The following FHIT variants were observed in gnomAD, a reference collection of about 807,000 sequenced individuals.
The protein encoded by FHIT is fragile histidine triad diadenosine triphosphatase, also known as bis(5'-adenosyl)-triphosphatase.
A neutral mutation model predicts 17.9 loss-of-function variants in FHIT; 19 were observed. That is an observed-to-expected ratio of 1.06 (90% CI 0.74 to 1.56). The LOEUF (loss-of-function observed/expected upper bound fraction) is 1.56, where lower values mean the gene tolerates loss of function less well. Among genes scored for constraint, FHIT ranks in the 40% most tolerant of loss-of-function variants. The pLI, the probability that FHIT is intolerant of heterozygous loss-of-function variation, is 0.00. For missense variants in FHIT, 248 were observed against 189.2 expected (o/e 1.31, Z -1.82); for synonymous variants, 81 against 69.7 (o/e 1.16, Z -0.81).
chr3:59,768,841 C>G (rs1216209862), intron 8 of FHIT, among the ~76,000 whole-genome samples: 3 of 152,228 alleles, frequency 2.0e-5, no homozygotes, highest in Admixed American at 2.0e-4. Context: ...AACAGATACA[C>G]ATTGTAAAAG....
chr3:59,822,958 T>C (rs1252309299), intron 8 of FHIT, among the ~76,000 whole-genome samples: 1 of 152,218 alleles, frequency 6.6e-6, no homozygotes, highest in East Asian at 1.9e-4. Context: ...CCTTGATTCA[T>C]GTTCTGTTGA....
intron 8 of FHIT, among the ~76,000 whole-genome samples, chr3:59,845,251 G>GT (rs1701677356): frequency 6.6e-6 from 1 of 151,450 alleles, no homozygotes; most frequent in Admixed American, 6.6e-5. Flanking sequence ...TGATTTTCTA[G>GT]TTTTTCCTTG....
At chr3:60,418,451 G>C (rs146667144) in intron 5 of FHIT, among the ~76,000 whole-genome samples, 2 of 118,546 alleles carry the variant, frequency 1.7e-5, no homozygotes, top group Non-Finnish European at 3.4e-5. Context: ...CACCACAGAC[G>C]ATTAGACAGC....
At chr3:60,728,033 T>C (rs6802913) in intron 4 of FHIT, among the ~76,000 whole-genome samples, 91,350 of 152,068 alleles carry the variant, frequency 0.6, 27,688 homozygotes, top group East Asian at 0.82. Context: ...AAAAGGAGCA[T>C]AGTATGTCCA....
chr3:60,118,908 C>T (rs1406541650), intron 5 of FHIT, among the ~76,000 whole-genome samples: 3 of 150,816 alleles, frequency 2.0e-5, no homozygotes, highest in African/African-American at 4.9e-5. Flanking sequence ...GTAATCCCAG[C>T]TACTAGGGAG....
At chr3:60,115,141 T>C (rs1166309100) in intron 5 of FHIT, among the ~76,000 whole-genome samples, 1 of 152,038 alleles carries the variant, frequency 6.6e-6, no homozygotes, top group Non-Finnish European at 1.5e-5. Flanking sequence ...TATAAAGATC[T>C]TAAAACAAAA....
chr3:61,063,539 C>G (rs1440580307), intron 2 of FHIT, among the ~76,000 whole-genome samples: 1 of 152,078 alleles, frequency 6.6e-6, no homozygotes, highest in Non-Finnish European at 1.5e-5. Context: ...GCAGTTGGCA[C>G]AGTGGAGCAT....
chr3:60,726,251 C>T (rs1160071262), intron 4 of FHIT, among the ~76,000 whole-genome samples: 3 of 151,878 alleles, frequency 2.0e-5, no homozygotes, highest in Non-Finnish European at 2.9e-5. Flanking sequence ...TGTCAACACT[C>T]CAAAAATTGT....
chr3:60,323,404 G>A (rs1429154297), intron 5 of FHIT, among the ~76,000 whole-genome samples: 1 of 152,138 alleles, frequency 6.6e-6, no homozygotes, highest in Non-Finnish European at 1.5e-5. Flanking sequence ...TCCTGAGGAT[G>A]AGACACTTTC....
intron 5 of FHIT, among the ~76,000 whole-genome samples, chr3:60,530,810 T>C (rs1389322354): frequency 1.3e-5 from 2 of 152,198 alleles, no homozygotes; most frequent in Admixed American, 6.5e-5. Flanking sequence ...AAAAAAGATG[T>C]TGGTCAACTT....
In FHIT at chr3:60,953,684, G is replaced by A. The variant is rs578108241; in HGVS notation, c.-111+88363C>T. On this transcript the variant is annotated intron_variant, in intron 3 of 9. Transcript: ENST00000492590. ...CATCCCAACCCGCCAATGACTCTAG[G>A]GTCTCTCTGGCAATCTGGTGTGACC... Among the ~76,000 whole-genome samples the A allele has an allele frequency of 5.3e-5, 8 of 152,078 alleles. No homozygotes were observed. The South Asian group carries it at 1.5e-3, about 28-fold the overall frequency.
chr3:61,111,093 A>G (rs113441660), intron 2 of FHIT, among the ~76,000 whole-genome samples: 2 of 152,330 alleles, frequency 1.3e-5, no homozygotes, highest in East Asian at 3.9e-4. Context: ...AGCTATATAC[A>G]TTCTAAGATT....
intron 5 of FHIT, among the ~76,000 whole-genome samples, chr3:60,046,696 C>T (rs1305770658): frequency 6.6e-6 from 1 of 152,154 alleles, no homozygotes; most frequent in Non-Finnish European, 1.5e-5. Flanking sequence ...CTCAAGAAAG[C>T]CAGTAATGTT....
chr3:60,472,844 G>C (rs1053269468), intron 5 of FHIT, among the ~76,000 whole-genome samples: 4 of 152,236 alleles, frequency 2.6e-5, no homozygotes, highest in African/African-American at 7.2e-5. Context: ...GTTGGGGGTG[G>C]GGGTGGAGAA....
intron 5 of FHIT, among the ~76,000 whole-genome samples, chr3:60,089,681 G>T (rs1703648664): frequency 6.6e-6 from 1 of 152,170 alleles, no homozygotes; most frequent in South Asian, 2.1e-4. Flanking sequence ...GATTTATAAA[G>T]AACAGAAAAT....
At chr3:60,400,801 C>T (rs764053813) in intron 5 of FHIT, among the ~76,000 whole-genome samples, 27 of 151,948 alleles carry the variant, frequency 1.8e-4, no homozygotes, top group African/African-American at 4.1e-4. Flanking sequence ...AATCTCAGTG[C>T]GAAATCTCAG....
At chr3:60,399,142 T>C (rs919213195) in intron 5 of FHIT, among the ~76,000 whole-genome samples, 2 of 152,202 alleles carry the variant, frequency 1.3e-5, no homozygotes, top group African/African-American at 4.8e-5. Context: ...AATAAGTGGC[T>C]TAAAGTACAT....
chr3:60,200,224 C>G (rs977759227), intron 5 of FHIT, among the ~76,000 whole-genome samples: 9 of 152,106 alleles, frequency 5.9e-5, no homozygotes, highest in African/African-American at 1.9e-4. Flanking sequence ...CCCTGACGTG[C>G]TAATGAGAGT....
At chr3:61,114,847 A>G (rs1411632656) in intron 2 of FHIT, among the ~76,000 whole-genome samples, 1 of 152,124 alleles carries the variant, frequency 6.6e-6, no homozygotes, top group African/African-American at 2.4e-5. Flanking sequence ...TGAGACCATT[A>G]AGCTGGGGGC....
Sources: gnomAD v4.1 joint callset for allele counts (sites outside exome capture counted in the v4.1 genomes callset) on GRCh38, gnomAD v4.1.1 for gene constraint, MANE v1.5 for transcripts, NCBI Gene and HGNC (gene_info 2026-07-23, HGNC 2026-07-21) for gene names.